The following THOC2 variants were observed in gnomAD, a reference collection of about 807,000 sequenced individuals.
THOC2 encodes the protein THO complex 2.
THOC2 carries 10 observed loss-of-function variants against 128.4 expected under a neutral mutation model. That is an observed-to-expected ratio of 0.08 (90% confidence interval 0.05 to 0.13). THOC2 has a LOEUF of 0.13. Ranked by LOEUF, THOC2 falls within the 10% of genes least tolerant of loss-of-function variation. The probability of loss-of-function intolerance (pLI) is 1.00; values close to 1 mark genes in which losing one functional copy is unlikely to be tolerated. For synonymous variants in THOC2, 393 were observed against 396.9 expected (o/e 0.99, Z 0.12); for missense variants, 535 against 1,155.7 (o/e 0.46, Z 7.79).
At chrX:123,645,064 T>C (rs2048069139) in intron 13 of THOC2, among the ~76,000 whole-genome samples, 155 bp from the exon 14 acceptor site, 1 of 112,085 alleles carries the variant, frequency 8.9e-6, no homozygotes, top group Admixed American at 9.5e-5. Context: ...CTTATTTATG[T>C]TTCTCCATCG....
At chrX:123,715,070 A>G (rs1275731034) in intron 1 of THOC2, among the ~76,000 whole-genome samples, 3 of 92,214 alleles carry the variant, frequency 3.3e-5, no homozygotes, top group African/African-American at 1.3e-4. Context: ...CCCAGGCTGG[A>G]CTGTAATGGC....
Position 123,644,600 on chromosome X carries a change from T to C in THOC2, c.1636A>G (p.Ile546Val). 8.3e-7 allele frequency: 1 copy of C among 1,199,993 alleles called. No individual in the cohort carries two copies. The highest frequency in any genetic ancestry group is 1.1e-6 in the Non-Finnish European group (1 of 887,546). ...TTCATGATATATTTGGCTCTGTCTA[T>C]TGTTTGAGCTTTAACTTTTACTAAA... is the stretch of plus-strand genomic sequence containing the variant. ...PLLVKVKAQT[I>V]DRAKYIMKRL... The change falls in exon 15 of 39, where the codon ATA (isoleucine) becomes GTA (valine). Residue 546 changes from isoleucine to valine, a missense_variant. Transcript: ENST00000245838.
intron 4 of THOC2, among the ~76,000 whole-genome samples, chrX:123,700,228 T>G (rs1403155426): frequency 9.2e-6 from 1 of 108,757 alleles, no homozygotes; most frequent in African/African-American, 3.3e-5. Context: ...CAGCCGGGCG[T>G]GGTAGCTCAA....
intron 33 of THOC2, among the ~76,000 whole-genome samples, chrX:123,616,351 T>C (rs1311974255): frequency 1.8e-5 from 2 of 111,409 alleles, no homozygotes; most frequent in Admixed American, 1.9e-4. Flanking sequence ...GTTTGACAAA[T>C]AAAATTAAGG....
At chrX:123,689,388 T>C (rs1015849684) in intron 7 of THOC2, among the ~76,000 whole-genome samples, 1 of 112,124 alleles carries the variant, frequency 8.9e-6, no homozygotes, top group African/African-American at 3.2e-5. Flanking sequence ...ATCCATAAGA[T>C]AGAAAAGGTA....
chrX:123,712,389 G>A (rs1237715408), intron 2 of THOC2, among the ~76,000 whole-genome samples: 1 of 111,852 alleles, frequency 8.9e-6, no homozygotes, highest in Non-Finnish European at 1.9e-5. Context: ...GTGATATGCA[G>A]TAAACAACTC....
At chrX:123,602,610 G>C (rs1204516510) in intron 38 of THOC2, 2 of 112,097 alleles carry the variant, frequency 1.8e-5, no homozygotes, top group Non-Finnish European at 3.8e-5. Context: ...AATAGGCATG[G>C]AGTTTCTTTT....
chrX:123,646,509 AG>A (rs2048133461), intron 12 of THOC2, among the ~76,000 whole-genome samples: 1 of 112,161 alleles, frequency 8.9e-6, no homozygotes, highest in African/African-American at 3.2e-5. Flanking sequence ...TTGGTAGATA[AG>A]GGTGTTTTGT....
chrX:123,621,528 T>C lies in THOC2; in HGVS notation c.3845A>G (p.Lys1282Arg). 8.5e-7 allele frequency: 1 copy of C among 1,176,444 alleles called. No individual in the cohort carries two copies. The highest frequency in any genetic ancestry group is 1.1e-6 in the Non-Finnish European group (1 of 881,722). The change falls in exon 31 of 39, where the codon AAA (lysine) becomes AGA (arginine). Residue 1282 changes from lysine (K) to arginine (R), a missense_variant. Around this residue, in one of 9 missense-constraint regions of THOC2, gnomAD observed 116 missense variants for 180.0 expected, o/e 0.64. Transcript: ENST00000245838. ...TGGAGTAGTAGCTGGAGTCTTTTCT[T>C]TTTTCTCTTTTTCTTTCTCTTTCCC... ...EKGKEKEKEKKEKTPATTPEA... is the reference protein window; with the variant it reads ...EKGKEKEKEKREKTPATTPEA...
At position 123,667,161 on chromosome X, in the gene THOC2, T is replaced by C; in HGVS notation, c.1135A>G (p.Ile379Val). The C allele has an allele frequency of 8.3e-7, 1 of 1,206,340 alleles. No individual in the cohort carries two copies. Among genetic ancestry groups the C allele is most frequent in the Non-Finnish European group, 1.1e-6 (1 of 892,305 alleles). ...PPYYAASHKL[I>V]ALAICKLIHI... ...ATGAGCTTGCAAATAGCAAGGGCTA[T>C]TAGCTTGTGTGAAGCTGCATAGTAT... Residue 379 changes from isoleucine (I) to valine (V), a missense_variant, in exon 11 of 39, where the codon ATA becomes GTA. Ile to Val is a conservative substitution (Grantham distance 29, BLOSUM62 3). Transcript: ENST00000245838.
At chrX:123,619,506 T>C in intron 32 of THOC2, 70 bp from the exon 33 acceptor site, 1 of 1,174,967 alleles carries the variant, frequency 8.5e-7, no homozygotes, top group Non-Finnish European at 1.2e-6. Context: ...CTTTGGGAAG[T>C]ATGGCTGTAA....
rs779622634 is a variant in THOC2, at chrX:123,622,933, T to TA, written c.3683-74dup. 17 of 914,591 alleles carry TA rather than the reference T, an allele frequency of 1.9e-5. No individual in the cohort carries two copies. In the South Asian group the frequency reaches 4.0e-4, roughly 21 times the overall value. The allele number at this position is 914,591 out of a possible 1,213,427, so 75.4% of individuals were successfully genotyped here. ...AGCTACAATTTCAGAGCAAAATGAT[T>TA]AGAGAATAATTAGAAAGAAACAGCA... On this transcript the variant is annotated intron_variant, in intron 29 of 38. Transcript: ENST00000245838.
chrX:123,682,862 T>A (rs779248220), intron 8 of THOC2, among the ~76,000 whole-genome samples: 1 of 111,583 alleles, frequency 9.0e-6, no homozygotes, highest in Admixed American at 9.5e-5. Context: ...TTACTACTAT[T>A]ACTGTGTTTT....
chrX:123,717,341 C>G (rs921593696), intron 1 of THOC2, among the ~76,000 whole-genome samples: 6 of 110,843 alleles, frequency 5.4e-5, no homozygotes, highest in Non-Finnish European at 1.1e-4. Flanking sequence ...TAACAATGAA[C>G]TACCTGAAAA....
intron 4 of THOC2, among the ~76,000 whole-genome samples, chrX:123,700,952 T>A: frequency 9.0e-6 from 1 of 111,687 alleles, no homozygotes; most frequent in African/African-American, 3.2e-5. Context: ...TGATCTGGGA[T>A]CACACTTGAA....
intron 8 of THOC2, among the ~76,000 whole-genome samples, chrX:123,678,828 T>A (rs1262722228): frequency 1.1e-4 from 12 of 110,929 alleles, no homozygotes; most frequent in Admixed American, 1.1e-3. Context: ...TCCTCTCAGC[T>A]GATGTCCTTG....
chrX:123,606,991 A>G (rs1281513133), intron 38 of THOC2, among the ~76,000 whole-genome samples: 1 of 110,999 alleles, frequency 9.0e-6, no homozygotes, highest in Non-Finnish European at 1.9e-5. Context: ...AGGATCACAT[A>G]TATCAAGTTA....
At chrX:123,716,388 T>C (rs2051415887) in intron 1 of THOC2, among the ~76,000 whole-genome samples, 1 of 110,504 alleles carries the variant, frequency 9.0e-6, no homozygotes, top group Non-Finnish European at 1.9e-5. Flanking sequence ...GAGACCAGCC[T>C]GGCCAACATG....
intron 38 of THOC2, chrX:123,610,165 A>C (rs191094611): frequency 1.8e-5 from 2 of 111,736 alleles, no homozygotes; most frequent in African/African-American, 6.5e-5. Context: ...GTAACTATTC[A>C]GATTATCTTA....
Sources: allele counts gnomAD v4.1 joint callset (sites outside exome capture counted in the v4.1 genomes callset), GRCh38; gene constraint gnomAD v4.1.1; regional missense constraint gnomAD v4.1.1; transcripts MANE v1.5; gene names NCBI Gene and HGNC (gene_info 2026-07-23, HGNC 2026-07-21).